ZBTB38: variants seen among roughly 807,000 people sequenced by gnomAD.
The protein encoded by ZBTB38 is zinc finger and BTB domain containing 38.
ZBTB38 carries 20 observed loss-of-function variants against 76.8 expected under a neutral mutation model. The observed-to-expected ratio is 0.26, with a 90% CI of 0.18 to 0.38. ZBTB38 has a LOEUF of 0.38. Among genes scored for constraint, ZBTB38 ranks in the 10% least tolerant of loss-of-function variants. ZBTB38 has a pLI of 1.00. For synonymous variants in ZBTB38, 504 were observed against 544.2 expected, an observed-to-expected ratio of 0.93 and a Z score of 1.03; for missense variants, 1,082 against 1,482.3, an observed-to-expected ratio of 0.73 and a Z score of 4.43.
intron 5 of ZBTB38, among the ~76,000 whole-genome samples, chr3:141,423,205 C>A (rs1336581340): frequency 2.6e-5 from 4 of 152,200 alleles, no homozygotes; most frequent in Non-Finnish European, 5.9e-5. Flanking sequence ...AGGGAAATCT[C>A]CACTTACAAA....
intron 5 of ZBTB38, among the ~76,000 whole-genome samples, chr3:141,440,784 C>T (rs1158363203): frequency 6.6e-6 from 1 of 152,036 alleles, no homozygotes; most frequent in Non-Finnish European, 1.5e-5. Flanking sequence ...ACCTGTAATC[C>T]CAGCACTTTG....
At chr3:141,430,127 G>A (rs2077176783) in intron 5 of ZBTB38, among the ~76,000 whole-genome samples, 1 of 152,154 alleles carries the variant, frequency 6.6e-6, no homozygotes, top group Non-Finnish European at 1.5e-5. Flanking sequence ...GTGCAATGGT[G>A]TGATCTTGGC....
chr3:141,419,093 G>A (rs749667222), intron 5 of ZBTB38, among the ~76,000 whole-genome samples: 40 of 152,198 alleles, frequency 2.6e-4, no homozygotes, highest in Non-Finnish European at 1.2e-4. Context: ...TTAATGGGAA[G>A]CATGACAGGG....
chr3:141,398,337 C>A (rs953443035), intron 4 of ZBTB38, among the ~76,000 whole-genome samples: 7 of 150,640 alleles, frequency 4.6e-5, no homozygotes, highest in Middle Eastern at 3.4e-3. Flanking sequence ...CTTTTTTTTT[C>A]AAATTATAAA....
chr3:141,437,677 T>C (rs1421604938), intron 5 of ZBTB38, among the ~76,000 whole-genome samples: 1 of 152,182 alleles, frequency 6.6e-6, no homozygotes, highest in African/African-American at 2.4e-5. Flanking sequence ...GAAATTAAGG[T>C]ATAAAAATAC....
At chr3:141,431,355 T>TA (rs1362541027) in intron 5 of ZBTB38, among the ~76,000 whole-genome samples, 1 of 137,874 alleles carries the variant, frequency 7.3e-6, no homozygotes, top group African/African-American at 3.0e-5. Flanking sequence ...TATATATATA[T>TA]TTGGGGGGGA....
At chr3:141,369,392 T>C (rs778990609) in intron 1 of ZBTB38, among the ~76,000 whole-genome samples, 1 of 152,360 alleles carries the variant, frequency 6.6e-6, no homozygotes, top group East Asian at 1.9e-4. Flanking sequence ...TCATTCCTAC[T>C]TGTGCCATCG....
At chr3:141,332,326 T>C (rs1942879564) in intron 1 of ZBTB38, among the ~76,000 whole-genome samples, 1 of 152,128 alleles carries the variant, frequency 6.6e-6, no homozygotes. Context: ...TGCTCACATT[T>C]CTCCTCTTGT....
intron 1 of ZBTB38, among the ~76,000 whole-genome samples, chr3:141,344,516 A>G (rs562900754): frequency 6.6e-6 from 1 of 152,300 alleles, no homozygotes; most frequent in African/African-American, 2.4e-5. Context: ...CCACAGGCAC[A>G]TGCCACCACA....
At chr3:141,343,703 T>C (rs1232882147) in intron 1 of ZBTB38, among the ~76,000 whole-genome samples, 7 of 152,190 alleles carry the variant, frequency 4.6e-5, no homozygotes, top group Non-Finnish European at 1.0e-4. Context: ...TTGAGCAATC[T>C]TAACAGAGCC....
intron 5 of ZBTB38, among the ~76,000 whole-genome samples, chr3:141,412,028 C>A (rs1443399682): frequency 6.6e-6 from 1 of 152,040 alleles, no homozygotes; most frequent in Admixed American, 6.6e-5. Context: ...TTTTTGAGGT[C>A]TTTTGTTTTT....
intron 5 of ZBTB38, among the ~76,000 whole-genome samples, chr3:141,421,301 GT>G (rs1338644769): frequency 1.2e-4 from 9 of 77,568 alleles, no homozygotes; most frequent in Non-Finnish European, 1.6e-4. Context: ...TTTTTTTTCT[GT>G]TTTTAACTAA....
At chr3:141,365,410 C>T (rs763115744), upstream of ZBTB38, among the ~76,000 whole-genome samples, 2 of 152,070 alleles carry the variant, frequency 1.3e-5, no homozygotes, top group Non-Finnish European at 2.9e-5. Flanking sequence ...CAAGGTGACA[C>T]AGGACATTAC....
Position 141,398,638 on chromosome 3 carries a change from CCTT to C in ZBTB38, c.-105-5286_-105-5284del, listed in dbSNP as rs553502179. Reference sequence around the variant, plus strand: ...AGGCAATCTTGTTTCATGTAAATCTCCTTCTGTATTTTTTTTTGCACTGTTCTT... The same window carrying C: ...AGGCAATCTTGTTTCATGTAAATCTCCTGTATTTTTTTTTGCACTGTTCTT... On this transcript the variant is annotated intron_variant, in intron 4 of 5. Coordinates refer to ENST00000321464, the MANE Select transcript of ZBTB38 (RefSeq NM_001376113.1). Among the ~76,000 whole-genome samples, 285 of 152,144 alleles carry C rather than the reference CCTT, an allele frequency of 1.9e-3. 2 individuals carry two copies. Among genetic ancestry groups the C allele is most frequent in the African/African-American group, 6.5e-3 (268 of 41,520 alleles).
intron 5 of ZBTB38, among the ~76,000 whole-genome samples, chr3:141,419,222 T>G (rs1391582827): frequency 6.6e-6 from 1 of 152,080 alleles, no homozygotes; most frequent in Non-Finnish European, 1.5e-5. Flanking sequence ...CATCACATCT[T>G]GTAAAAACTC....
rs1162112611 is a variant in ZBTB38 at position 141,443,078 on chromosome 3, A to C, written c.690A>C (p.Glu230Asp). The C allele has an allele frequency of 6.2e-7, 1 of 1,614,254 alleles. No homozygotes were observed. Among genetic ancestry groups the C allele is most frequent in the Non-Finnish European group, 8.5e-7 (1 of 1,180,046 alleles). ...EHSYAVSSVA[E>D]AYRSQPVREH... ...CATACGCTGTTTCTTCCGTAGCTGA[A>C]GCTTACAGAAGTCAGCCTGTACGTG... Residue 230 changes from glutamate (E) to aspartate (D), a missense_variant, in exon 6 of 6, where the codon GAA (glutamate) becomes GAC (aspartate). This residue lies in a region of ZBTB38 where 324 missense variants were observed against 359.1 expected (regional missense o/e 0.90). Coordinates refer to ENST00000321464, the MANE Select transcript of ZBTB38 (RefSeq NM_001376113.1). The surrounding 1 kb of genome is among the most constrained non-coding windows in gnomAD (Gnocchi z 5.6).
At chr3:141,426,005 G>T in intron 5 of ZBTB38, 1 of 467,374 alleles carries the variant, frequency 2.1e-6, no homozygotes. Context: ...TGCTTGTTAG[G>T]TGTTGGGACA....
chr3:141,449,360 T>A lies in ZBTB38; in HGVS notation c.*3384T>A, dbSNP rs1577600820. 1 of 152,206 alleles carries A rather than the reference T, an allele frequency of 6.6e-6. No individual in the cohort carries two copies. Among genetic ancestry groups the A allele is most frequent in the Non-Finnish European group, 1.5e-5 (1 of 68,042 alleles). The allele number at this position is 152,206 out of a possible 1,614,324, so 9.4% of individuals were successfully genotyped here. ...CCCTGAATTGGGCTTCCCTTATATCTCAGGAGATTGCCCTATAAAATCAGT... is the reference window on the plus strand; with the variant it reads ...CCCTGAATTGGGCTTCCCTTATATCACAGGAGATTGCCCTATAAAATCAGT... On this transcript the variant is annotated 3_prime_UTR_variant, in exon 6 of 6. Coordinates refer to ENST00000321464, the MANE Select transcript of ZBTB38 (RefSeq NM_001376113.1).
intron 5 of ZBTB38, among the ~76,000 whole-genome samples, chr3:141,417,460 G>A (rs75827237): frequency 1.9e-4 from 29 of 152,226 alleles, no homozygotes; most frequent in African/African-American, 5.5e-4. Context: ...ACATCTAAAC[G>A]CAGTAGAACA....
Sources: allele counts gnomAD v4.1 joint callset (sites outside exome capture counted in the v4.1 genomes callset), GRCh38; gene constraint gnomAD v4.1.1; regional missense constraint gnomAD v4.1.1; non-coding constraint Gnocchi (gnomAD v3.1); transcripts MANE v1.5; gene names NCBI Gene and HGNC (gene_info 2026-07-23, HGNC 2026-07-21).